NUBPL: variants seen among roughly 807,000 people sequenced by gnomAD.
The protein encoded by NUBPL is NUBP iron-sulfur cluster assembly factor, mitochondrial.
NUBPL carries 31 observed loss-of-function variants against 45.7 expected under a neutral mutation model. The observed-to-expected ratio is 0.68, with a 90% CI of 0.51 to 0.92. NUBPL has a LOEUF of 0.92. Among genes scored for constraint, NUBPL ranks in the 40% least tolerant of loss-of-function variants. The pLI, the probability that NUBPL is intolerant of heterozygous loss-of-function variation, is 0.00. For missense variants in NUBPL, 401 were observed against 398.7 expected (o/e 1.01, Z -0.05); for synonymous variants, 144 against 140.9 (o/e 1.02, Z -0.15).
chr14:31,682,272 C>T (rs1184651544), intron 6 of NUBPL, among the ~76,000 whole-genome samples: 1 of 152,004 alleles, frequency 6.6e-6, no homozygotes, highest in Non-Finnish European at 1.5e-5. Flanking sequence ...TTATGAAATA[C>T]TCCTCTATAT....
rs917649920 is a variant in NUBPL at position 31,833,467 on chromosome 14, A to G, written c.693+6753A>G. Among the ~76,000 whole-genome samples, 10 of 152,246 alleles carry G rather than the reference A, an allele frequency of 6.6e-5. No individual in the cohort carries two copies. The South Asian group carries it at 1.5e-3, about 22-fold the overall frequency. On this transcript the variant is annotated intron_variant, in intron 8 of 10. Coordinates refer to ENST00000281081, the MANE Select transcript of NUBPL (RefSeq NM_025152.3). ...ATTGAGCCATCTATATTATCTTCATATAGATTTATTAAGTTGCTATATTAT... is the reference window on the plus strand; with the variant it reads ...ATTGAGCCATCTATATTATCTTCATGTAGATTTATTAAGTTGCTATATTAT...
intron 6 of NUBPL, among the ~76,000 whole-genome samples, chr14:31,721,348 A>C: frequency 6.6e-6 from 1 of 152,190 alleles, no homozygotes; most frequent in East Asian, 1.9e-4. Flanking sequence ...CATTTCACAA[A>C]AGTATAAAGC....
chr14:31,602,624 T>C (rs2034473915), intron 4 of NUBPL, among the ~76,000 whole-genome samples: 1 of 152,156 alleles, frequency 6.6e-6, no homozygotes, highest in Non-Finnish European at 1.5e-5. Context: ...TTTTAATCTT[T>C]TTGTGCCTCA....
At chr14:31,700,574 A>G (rs12880801) in intron 6 of NUBPL, among the ~76,000 whole-genome samples, 151,509 of 152,178 alleles carry the variant, frequency 1, 75,424 homozygotes, top group Middle Eastern at 1. Flanking sequence ...CCGAGGTTGC[A>G]TGTGGCCCTT....
chr14:31,846,099 T>C (rs2040447364), intron 8 of NUBPL: 1 of 294,162 alleles, frequency 3.4e-6, no homozygotes, highest in African/African-American at 2.2e-5. Context: ...AGTTTTATTT[T>C]GCTACCTTGG....
Position 31,747,198 on chromosome 14 carries a change from C to T in NUBPL, c.514-40582C>T, listed in dbSNP as rs367589569. 2.2e-3 allele frequency among the ~76,000 whole-genome samples: 326 copies of T among 145,418 alleles called. 8 individuals carry two copies. Among genetic ancestry groups the T allele is most frequent in the African/African-American group, 8.1e-3 (303 of 37,456 alleles). The stretch of plus-strand genomic sequence containing the variant: ...TTGCCCAGGCTGGAGTGCAGTGGCA[C>T]GATCTTGGCTTACTGCAAACTCTGC... On this transcript the variant is annotated intron_variant, in intron 6 of 10. Coordinates refer to ENST00000281081, the MANE Select transcript of NUBPL (RefSeq NM_025152.3).
intron 4 of NUBPL, among the ~76,000 whole-genome samples, chr14:31,653,364 A>C (rs1390579775): frequency 6.6e-6 from 1 of 152,150 alleles, no homozygotes; most frequent in East Asian, 1.9e-4. Flanking sequence ...TCAACTGCAT[A>C]AGACAGACAC....
intron 3 of NUBPL, among the ~76,000 whole-genome samples, chr14:31,574,387 C>T (rs946329347): frequency 1.3e-5 from 2 of 151,498 alleles, no homozygotes; most frequent in Non-Finnish European, 2.9e-5. Flanking sequence ...ACCTCAGCCT[C>T]CTGAGTAGCT....
At chr14:31,757,558 C>G (rs1240824590) in intron 6 of NUBPL, among the ~76,000 whole-genome samples, 1 of 151,874 alleles carries the variant, frequency 6.6e-6, no homozygotes, top group Non-Finnish European at 1.5e-5. Flanking sequence ...CAAGGAGACT[C>G]CCTATATTTT....
intron 7 of NUBPL, among the ~76,000 whole-genome samples, chr14:31,812,277 T>C (rs1355409958): frequency 2.0e-5 from 3 of 152,194 alleles, no homozygotes; most frequent in Non-Finnish European, 2.9e-5. Context: ...TTGGGCCTCG[T>C]TGAGCTGTGG....
chr14:31,812,195 A>T (rs2039820135), intron 7 of NUBPL, among the ~76,000 whole-genome samples: 1 of 152,178 alleles, frequency 6.6e-6, no homozygotes, highest in Non-Finnish European at 1.5e-5. Context: ...AGGGACGTTT[A>T]AGTCTGCAGA....
At chr14:31,693,638 G>A (rs528038681) in intron 6 of NUBPL, among the ~76,000 whole-genome samples, 399 of 151,946 alleles carry the variant, frequency 2.6e-3, no homozygotes, top group Non-Finnish European at 4.6e-3. Context: ...TCAGTTTGGG[G>A]CATGTGACCT....
intron 4 of NUBPL, among the ~76,000 whole-genome samples, chr14:31,631,700 A>G (rs561391098): frequency 1.7e-4 from 26 of 152,050 alleles, no homozygotes; most frequent in Non-Finnish European, 3.2e-4. Flanking sequence ...TCCACGTCCA[A>G]AGGCAGAAAA....
intron 6 of NUBPL, among the ~76,000 whole-genome samples, chr14:31,681,004 T>C (rs2036820147): frequency 2.0e-5 from 3 of 152,146 alleles, no homozygotes; most frequent in Admixed American, 2.0e-4. Context: ...TGAATAATAT[T>C]GGTTTGTAAT....
intron 4 of NUBPL, among the ~76,000 whole-genome samples, chr14:31,612,481 T>G (rs1390462909): frequency 1.3e-5 from 2 of 151,972 alleles, no homozygotes; most frequent in African/African-American, 4.8e-5. Context: ...GCCAACATGG[T>G]GAAACCCCAT....
chr14:31,601,298 T>G (rs2034427343), intron 4 of NUBPL, among the ~76,000 whole-genome samples: 2 of 152,210 alleles, frequency 1.3e-5, no homozygotes, highest in African/African-American at 2.4e-5. Context: ...AAGAAAGTCA[T>G]TGGTAGCTTG....
intron 6 of NUBPL, among the ~76,000 whole-genome samples, chr14:31,712,764 A>G (rs919058070): frequency 6.6e-6 from 1 of 152,236 alleles, no homozygotes. Flanking sequence ...CACTGAGAGA[A>G]TGAGTATTGC....
intron 7 of NUBPL, among the ~76,000 whole-genome samples, chr14:31,799,340 T>C (rs1386404501): frequency 6.6e-6 from 1 of 152,188 alleles, no homozygotes; most frequent in Non-Finnish European, 1.5e-5. Context: ...TACAAGTCTG[T>C]GGAGTTAAGT....
chr14:31,626,913 A>G (rs1166294072), intron 4 of NUBPL, among the ~76,000 whole-genome samples: 1 of 150,718 alleles, frequency 6.6e-6, no homozygotes, highest in Non-Finnish European at 1.5e-5. Flanking sequence ...CATTTCAGGG[A>G]CATTGGTTCC....
Sources: allele counts gnomAD v4.1 joint callset (sites outside exome capture counted in the v4.1 genomes callset), GRCh38; gene constraint gnomAD v4.1.1; transcripts MANE v1.5; gene names NCBI Gene and HGNC (gene_info 2026-07-23, HGNC 2026-07-21).